PCM1: variants seen among roughly 807,000 people sequenced by gnomAD.
PCM1 encodes the protein pericentriolar material 1.
PCM1 carries 157 observed loss-of-function variants against 241.9 expected under a neutral mutation model. The observed-to-expected ratio is 0.65, with a 90% CI of 0.57 to 0.74. The LOEUF (loss-of-function observed/expected upper bound fraction) is 0.74, where lower values mean the gene tolerates loss of function less well. Among genes scored for constraint, PCM1 ranks in the 30% least tolerant of loss-of-function variants. The pLI is 0.00. For missense variants in PCM1, 3,478 were observed against 2,360.1 expected (o/e 1.47, Z -9.81); for synonymous variants, 1,085 against 784.9 (o/e 1.38, Z -6.39).
intron 8 of PCM1, among the ~76,000 whole-genome samples, chr8:17,951,139 G>T (rs919879343): frequency 3.3e-5 from 5 of 152,126 alleles, no homozygotes; most frequent in Non-Finnish European, 7.4e-5. Flanking sequence ...CTCATTTGAA[G>T]GAATATTTTA....
intron 4 of PCM1, 118 bp from the exon 5 acceptor site, chr8:17,938,622 C>G: frequency 2.9e-6 from 2 of 680,102 alleles, no homozygotes; most frequent in East Asian, 5.2e-5. Flanking sequence ...TAGTGCAAAG[C>G]TCTTTGTGTG....
chr8:18,000,486 G>A (rs1484046647), intron 29 of PCM1, among the ~76,000 whole-genome samples: 1 of 152,116 alleles, frequency 6.6e-6, no homozygotes, highest in Non-Finnish European at 1.5e-5. Context: ...ACGTAATTGG[G>A]ATATAGTTAG....
rs1385987296 is a variant in PCM1, at chr8:17,955,407, G to C, written c.1289-63G>C. The C allele has an allele frequency of 2.0e-5, 22 of 1,126,944 alleles. No homozygotes were observed. The East Asian group carries it at 5.4e-4, about 28-fold the overall frequency. 69.8% of individuals were successfully genotyped at this position (1,126,944 alleles called of 1,614,324 possible). On this transcript the variant is annotated intron_variant, in intron 9 of 38. Transcript: ENST00000325083. ...TTAGTTTTCAATATCCAAGCCAACT[G>C]TATGTGTTTGTTTATGGTAACTGGT...
chr8:18,029,827 C>T lies in PCM1; in HGVS notation c.*2165C>T. On this transcript the variant is annotated 3_prime_UTR_variant, in exon 39 of 39. Transcript: ENST00000325083. ...AAAATGAGTGAGAGAGAACTTTATGCAGGTTGAGATAATGCCTAAAATAAT... is the reference window on the plus strand; with the variant it reads ...AAAATGAGTGAGAGAGAACTTTATGTAGGTTGAGATAATGCCTAAAATAAT... The T allele has an allele frequency of 5.1e-6, 1 of 196,502 alleles. No homozygotes were observed. Among genetic ancestry groups the T allele is most frequent in the Non-Finnish European group, 1.1e-5 (1 of 94,592 alleles). 12.2% of individuals were successfully genotyped at this position (196,502 alleles called of 1,614,324 possible).
intron 13 of PCM1, 72 bp from the exon 14 acceptor site, chr8:17,959,941 GT>G: frequency 7.3e-7 from 1 of 1,379,094 alleles, no homozygotes; most frequent in East Asian, 2.4e-5. Context: ...CAGACTAGTG[GT>G]ATTTACTAAG....
At chr8:18,006,431 G>A (rs1428929178) in intron 30 of PCM1, 34 bp downstream of exon 30, 3 of 1,500,764 alleles carry the variant, frequency 2.0e-6, no homozygotes, top group Non-Finnish European at 2.8e-6. Flanking sequence ...TTACCAATAT[G>A]TACTGTGTGG....
At chr8:17,980,151 TA>T (rs1343076990) in intron 23 of PCM1, 1 of 152,392 alleles carries the variant, frequency 6.6e-6, no homozygotes, top group Non-Finnish European at 1.5e-5. Flanking sequence ...TATCAGTGGG[TA>T]AGACCTTTTA....
intron 6 of PCM1, among the ~76,000 whole-genome samples, chr8:17,943,456 C>T (rs571932416): frequency 6.6e-6 from 1 of 152,084 alleles, no homozygotes; most frequent in Non-Finnish European, 1.5e-5. Context: ...ATTTTATTCT[C>T]TTTAATCCTT....
chr8:17,969,811 G>C (rs1442463835), intron 22 of PCM1, 63 bp downstream of exon 22: 2 of 1,234,748 alleles, frequency 1.6e-6, no homozygotes, highest in African/African-American at 3.1e-5. Flanking sequence ...ATCTAATTAT[G>C]TGTAATTTGA....
chr8:17,974,162 G>A (rs1320955918), intron 23 of PCM1, among the ~76,000 whole-genome samples: 1 of 152,164 alleles, frequency 6.6e-6, no homozygotes, highest in Non-Finnish European at 1.5e-5. Context: ...GGAGAAGCTG[G>A]TTTATTTAGT....
rs1281307423 is a variant in PCM1 at position 17,924,719 on chromosome 8, G to C, written c.-84G>C. 1 of 152,176 alleles carries C rather than the reference G, an allele frequency of 6.6e-6. No individual in the cohort carries two copies. The highest frequency in any genetic ancestry group is 1.5e-5 in the Non-Finnish European group (1 of 68,032). The allele number at this position is 152,176 out of a possible 1,614,324, so 9.4% of individuals were successfully genotyped here. A position where few individuals can be genotyped will look rare whatever the true frequency, so the allele number is the denominator to read the frequency against. On this transcript the variant is annotated 5_prime_UTR_variant, in exon 2 of 39. Transcript: ENST00000325083. ...TATTTTTAATCCTAATTAGGAAACAGCTTTGAAGTGTGGAGCGGGAAAGGA... is the reference window on the plus strand; with the variant it reads ...TATTTTTAATCCTAATTAGGAAACACCTTTGAAGTGTGGAGCGGGAAAGGA...
intron 21 of PCM1, 195 bp from the exon 22 acceptor site, chr8:17,969,382 C>G: frequency 2.0e-6 from 1 of 496,468 alleles, no homozygotes; most frequent in Non-Finnish European, 3.5e-6. Flanking sequence ...TATTAATTGT[C>G]TTTGACCAAT....
intron 29 of PCM1, among the ~76,000 whole-genome samples, chr8:17,997,292 C>A (rs983190784): frequency 2.0e-5 from 3 of 152,102 alleles, no homozygotes; most frequent in African/African-American, 7.2e-5. Context: ...TTATTTGTTT[C>A]TTTTCTCTTG....
At chr8:17,957,130 A>T in intron 11 of PCM1, 134 bp from the exon 12 acceptor site, 1 of 662,710 alleles carries the variant, frequency 1.5e-6, no homozygotes, top group Non-Finnish European at 2.5e-6. Flanking sequence ...GGAGTCGATT[A>T]TTCAATTTGA....
chr8:17,995,230 C>A (rs1196971297), intron 29 of PCM1, among the ~76,000 whole-genome samples: 2 of 151,442 alleles, frequency 1.3e-5, no homozygotes, highest in African/African-American at 4.9e-5. Flanking sequence ...GGTCTAGTTT[C>A]ATTCCTCTGC....
At chr8:18,018,828 A>G (rs760220247) in intron 36 of PCM1, among the ~76,000 whole-genome samples, 21 of 70,946 alleles carry the variant, frequency 3.0e-4, no homozygotes, top group Admixed American at 5.1e-4. Flanking sequence ...AAAAATATGT[A>G]TATATATATA....
In PCM1 at chr8:18,025,373, G is replaced by A; in HGVS notation, c.5854G>A (p.Gly1952Ser). 1 of 1,580,056 alleles carries A rather than the reference G, an allele frequency of 6.3e-7. No homozygotes were observed. Among genetic ancestry groups the A allele is most frequent in the South Asian group, 1.1e-5 (1 of 87,302 alleles). ...VLVNDYEAES[G>S]NISQKSDEED... ...CATTACATTACAGGAAGCAGAATCT[G>A]GTAATATAAGTCAAAAGTCTGATGA... The change falls in exon 37 of 39, where the codon GGT (glycine) becomes AGT (serine). Residue 1952 changes from glycine to serine, a missense_variant. By Grantham distance (56) the Gly-to-Ser change is moderately conservative (BLOSUM62 0). Transcript: ENST00000325083.
rs780065800 is a variant in PCM1, at chr8:17,955,554, C to T, written c.1373C>T (p.Ser458Phe). The change falls in exon 10 of 39, where the codon TCC becomes TTC. Residue 458 changes from serine (S) to phenylalanine (F), a missense_variant. Coordinates refer to ENST00000325083, the MANE Select transcript of PCM1 (RefSeq NM_006197.4). ...VGLAPVVNGE[S>F]NSLTSSVPYP... ...TTGGCACCGGTTGTCAATGGAGAAT[C>T]CAATAGCCTCACATCATCTGTTCCT... The T allele has an allele frequency of 6.2e-7, 1 of 1,613,574 alleles. No homozygotes were observed. The highest frequency in any genetic ancestry group is 8.5e-7 in the Non-Finnish European group (1 of 1,179,562).
intron 26 of PCM1, among the ~76,000 whole-genome samples, chr8:17,989,470 GTTTTC>G (rs1225798318): frequency 6.6e-6 from 1 of 151,998 alleles, no homozygotes; most frequent in Non-Finnish European, 1.5e-5. Flanking sequence ...ATGTTGTGAT[GTTTTC>G]TTTTCTGATG....
Sources: allele counts gnomAD v4.1 joint callset (sites outside exome capture counted in the v4.1 genomes callset), GRCh38; gene constraint gnomAD v4.1.1; transcripts MANE v1.5; gene names NCBI Gene and HGNC (gene_info 2026-07-23, HGNC 2026-07-21).